Variants in ZHX2 observed in about 807,000 individuals in gnomAD.
ZHX2 encodes the protein zinc fingers and homeoboxes 2.
In ZHX2, 6 loss-of-function variants were observed where a neutral mutation model predicts 21.9. That is an observed-to-expected ratio of 0.27 (90% CI 0.15 to 0.54). The LOEUF is 0.54. Among genes scored for constraint, ZHX2 ranks in the 20% least tolerant of loss-of-function variants. The probability of loss-of-function intolerance (pLI) is 0.95; values close to 1 mark genes in which losing one functional copy is unlikely to be tolerated. For synonymous variants in ZHX2, 434 were observed against 437.1 expected (o/e 0.99, Z 0.09); for missense variants, 908 against 1,090.7 (o/e 0.83, Z 2.36).
intron 3 of ZHX2, among the ~76,000 whole-genome samples, chr8:122,955,976 C>T (rs1813290460): frequency 6.6e-6 from 1 of 151,618 alleles, no homozygotes; most frequent in African/African-American, 2.4e-5. Context: ...TCCCGAGTAG[C>T]TGGGATTACA....
chr8:122,833,927 G>A (rs1368598272), intron 1 of ZHX2, among the ~76,000 whole-genome samples: 1 of 152,040 alleles, frequency 6.6e-6, no homozygotes, highest in Non-Finnish European at 1.5e-5. Flanking sequence ...AACCCGGGAG[G>A]CGGAGCTTGC....
At chr8:122,815,641 T>G (rs1182765893) in intron 1 of ZHX2, 3 of 153,970 alleles carry the variant, frequency 1.9e-5, no homozygotes, top group African/African-American at 7.2e-5. Context: ...TTAAACTTAG[T>G]TGATAAAGCT....
chr8:122,958,802 C>A (rs765320178), intron 3 of ZHX2, among the ~76,000 whole-genome samples: 6 of 152,318 alleles, frequency 3.9e-5, no homozygotes, highest in African/African-American at 1.4e-4. Flanking sequence ...GGAAACTAAT[C>A]CACAATGTAT....
intron 3 of ZHX2, among the ~76,000 whole-genome samples, chr8:122,966,803 G>T (rs927544011): frequency 6.6e-6 from 1 of 152,036 alleles, no homozygotes; most frequent in African/African-American, 2.4e-5. Context: ...TCTCATGTTT[G>T]GTCATTTCAC....
At chr8:122,781,467 C>G (rs546948833), upstream of ZHX2, 2 of 152,310 alleles carry the variant, frequency 1.3e-5, no homozygotes, top group Admixed American at 1.3e-4. The surrounding 1 kb of genome is among the most constrained non-coding windows in gnomAD (Gnocchi z 4.6). Flanking sequence ...TTACTGCCCC[C>G]CTACCTTGGC....
chr8:122,952,307 A>G lies in ZHX2; in HGVS notation c.797A>G (p.Lys266Arg), dbSNP rs1295021118. 14 of 1,613,798 alleles carry G rather than the reference A, an allele frequency of 8.7e-6. No individual in the cohort carries two copies. In the African/African-American group the frequency reaches 1.7e-4, roughly 20 times the overall value. The stretch of plus-strand genomic sequence containing the variant: ...GTCCCTGTCCCACTAAATACTACCA[A>G]ATACAACTCTGCCCTGGATACAAAT... ...PKVPVPLNTT[K>R]YNSALDTNAT... The change falls in exon 3 of 4, where the codon AAA becomes AGA. Residue 266 changes from lysine to arginine, a missense_variant. This residue lies in a region of ZHX2 where 232 missense variants were observed against 361.8 expected (regional missense o/e 0.64). Coordinates refer to ENST00000314393, the MANE Select transcript of ZHX2 (RefSeq NM_014943.5). The surrounding 1 kb of genome is among the most constrained non-coding windows in gnomAD (Gnocchi z 6.9).
At chr8:122,829,855 T>G (rs2130668614) in intron 1 of ZHX2, among the ~76,000 whole-genome samples, 1 of 152,332 alleles carries the variant, frequency 6.6e-6, no homozygotes, top group South Asian at 2.1e-4. Context: ...TTCCCTCAAC[T>G]GGTGGAAGGA....
At chr8:122,967,835 C>A (rs1388217951) in intron 3 of ZHX2, among the ~76,000 whole-genome samples, 1 of 152,208 alleles carries the variant, frequency 6.6e-6, no homozygotes, top group East Asian at 1.9e-4. Context: ...GGATATAATT[C>A]TGCCCTACAT....
At chr8:122,885,703 G>C (rs1819824209) in intron 2 of ZHX2, among the ~76,000 whole-genome samples, 1 of 152,124 alleles carries the variant, frequency 6.6e-6, no homozygotes, top group East Asian at 1.9e-4. Flanking sequence ...CATGCACTAA[G>C]CCTTCTACAC....
chr8:122,964,656 C>T (rs1297831195), intron 3 of ZHX2, among the ~76,000 whole-genome samples: 4 of 152,062 alleles, frequency 2.6e-5, no homozygotes, highest in South Asian at 2.1e-4. Flanking sequence ...ATACTGGCTT[C>T]GTAGAAGGAT....
At chr8:122,854,873 G>A (rs1818992594) in intron 1 of ZHX2, among the ~76,000 whole-genome samples, 2 of 152,120 alleles carry the variant, frequency 1.3e-5, no homozygotes, top group African/African-American at 4.8e-5. Flanking sequence ...AAATACTTGT[G>A]TGTACATCAT....
At chr8:122,816,148 G>A (rs1023700735) in intron 1 of ZHX2, among the ~76,000 whole-genome samples, 1 of 150,918 alleles carries the variant, frequency 6.6e-6, no homozygotes, top group African/African-American at 2.4e-5. Flanking sequence ...ACTCTGATCA[G>A]TTAGCAACCA....
intron 2 of ZHX2, among the ~76,000 whole-genome samples, chr8:122,939,796 C>A (rs1384271864): frequency 6.6e-6 from 1 of 152,154 alleles, no homozygotes; most frequent in Non-Finnish European, 1.5e-5. Flanking sequence ...GTGAGATGAG[C>A]TAGCAGAAGT....
rs141781632 is a variant in ZHX2 at position 122,896,860 on chromosome 8, G to A, written c.-220+33321G>A. The stretch of plus-strand genomic sequence containing the variant: ...TTAAACTTGGATATATGTCATCAGG[G>A]AAAGAACAGTGTCTGGGAATTAGAT... On this transcript the variant is annotated intron_variant, in intron 2 of 3. Coordinates refer to ENST00000314393, the MANE Select transcript of ZHX2 (RefSeq NM_014943.5). 4.3e-3 allele frequency among the ~76,000 whole-genome samples: 656 copies of A among 152,338 alleles called. 15 individuals are homozygous for A. Among genetic ancestry groups the A allele is most frequent in the Admixed American group, 0.026 (393 of 15,300 alleles).
intron 2 of ZHX2, among the ~76,000 whole-genome samples, chr8:122,866,592 C>G (rs201764003): frequency 6.6e-6 from 1 of 152,168 alleles, no homozygotes; most frequent in African/African-American, 2.4e-5. Flanking sequence ...TCCCATCAAC[C>G]CCCCTGACAT....
intron 2 of ZHX2, among the ~76,000 whole-genome samples, chr8:122,897,250 G>T (rs1820120604): frequency 6.6e-6 from 1 of 152,186 alleles, no homozygotes; most frequent in South Asian, 2.1e-4. Flanking sequence ...ACCTCACTGT[G>T]CCTCAGTTTT....
At chr8:122,812,767 G>A (rs1817956026) in intron 1 of ZHX2, among the ~76,000 whole-genome samples, 1 of 152,212 alleles carries the variant, frequency 6.6e-6, no homozygotes, top group Non-Finnish European at 1.5e-5. Flanking sequence ...AGGGAAGGAA[G>A]GCCATTGACT....
At chr8:122,836,606 G>T (rs1818504049) in intron 1 of ZHX2, among the ~76,000 whole-genome samples, 1 of 152,230 alleles carries the variant, frequency 6.6e-6, no homozygotes, top group African/African-American at 2.4e-5. Flanking sequence ...GTGAGGACAG[G>T]GCAAAGATTT....
chr8:122,824,844 G>A (rs1818228576), intron 1 of ZHX2, among the ~76,000 whole-genome samples: 2 of 152,186 alleles, frequency 1.3e-5, no homozygotes, highest in Non-Finnish European at 2.9e-5. Context: ...GTTCCTTCTG[G>A]AGGCTCTGGA....
Sources: allele counts gnomAD v4.1 joint callset (sites outside exome capture counted in the v4.1 genomes callset), GRCh38; gene constraint gnomAD v4.1.1; regional missense constraint gnomAD v4.1.1; non-coding constraint Gnocchi (gnomAD v3.1); transcripts MANE v1.5; gene names NCBI Gene and HGNC (gene_info 2026-07-23, HGNC 2026-07-21).